Variants in CBFB observed in about 807,000 individuals in gnomAD.
CBFB encodes CBF-beta.
Under a neutral mutation model 30.4 loss-of-function variants are expected in CBFB, and 9 were observed. The ratio of observed to expected loss-of-function variants is 0.30; its 90% CI spans 0.18 to 0.52. CBFB has a LOEUF of 0.52. CBFB is among the 20% of genes least tolerant of loss of function. The pLI is 0.97. For missense variants in CBFB, 170 were observed against 244.0 expected (o/e 0.70, Z 2.02); for synonymous variants, 94 against 84.0 (o/e 1.12, Z -0.65).
intron 3 of CBFB, among the ~76,000 whole-genome samples, chr16:67,046,869 A>G (rs1597130246): frequency 6.6e-6 from 1 of 152,230 alleles, no homozygotes; most frequent in South Asian, 2.1e-4. Context: ...AAGCTAAAGT[A>G]TAATAGTGAT....
intron 4 of CBFB, among the ~76,000 whole-genome samples, chr16:67,075,247 C>G (rs1245603086): frequency 6.9e-6 from 1 of 145,428 alleles, no homozygotes; most frequent in African/African-American, 2.5e-5. Flanking sequence ...AGAACTCTTA[C>G]ATTTCAGTGA....
At chr16:67,036,393 G>C in intron 2 of CBFB, 1 of 407,912 alleles carries the variant, frequency 2.5e-6, no homozygotes, top group South Asian at 6.0e-5. Context: ...AAAATGACCT[G>C]AAAGAAAGTA....
intron 4 of CBFB, among the ~76,000 whole-genome samples, chr16:67,079,854 C>A (rs906362386): frequency 9.9e-5 from 15 of 152,238 alleles, no homozygotes; most frequent in African/African-American, 3.1e-4. Flanking sequence ...CATCAAAAAT[C>A]CTGGTATTCT....
chr16:67,088,047 G>T (rs1961777830), intron 5 of CBFB, among the ~76,000 whole-genome samples: 1 of 152,168 alleles, frequency 6.6e-6, no homozygotes, highest in Non-Finnish European at 1.5e-5. Flanking sequence ...AGAGAAAAGA[G>T]TTATATTTTC....
rs781375840 is a variant in CBFB, at chr16:67,053,810, C to T, written c.283-12872C>T. ...GAGTTAGCTGCTCTGGTATTTTCTGCTTCTAGGCTCACCATGACCTACCTT... is the reference window on the plus strand; with the variant it reads ...GAGTTAGCTGCTCTGGTATTTTCTGTTTCTAGGCTCACCATGACCTACCTT... On this transcript the variant is annotated intron_variant, in intron 3 of 5. Coordinates refer to ENST00000412916, the MANE Select transcript of CBFB (RefSeq NM_022845.3). 8.4e-4 allele frequency among the ~76,000 whole-genome samples: 127 copies of T among 150,964 alleles called. 3 individuals are homozygous for T. The highest frequency in any genetic ancestry group is 2.5e-4 in the Non-Finnish European group (17 of 67,862).
At chr16:67,088,035 A>T (rs1012955902) in intron 5 of CBFB, among the ~76,000 whole-genome samples, 9 of 152,198 alleles carry the variant, frequency 5.9e-5, no homozygotes, top group Non-Finnish European at 1.0e-4. Flanking sequence ...GACCTAGAGC[A>T]TAGAGAAAAG....
At chr16:67,064,392 A>G (rs1416322137) in intron 3 of CBFB, among the ~76,000 whole-genome samples, 1 of 152,108 alleles carries the variant, frequency 6.6e-6, no homozygotes, top group Non-Finnish European at 1.5e-5. Flanking sequence ...TTTTTAGTAG[A>G]GACGGGGTTT....
chr16:67,081,935 C>T (rs1256191756), intron 4 of CBFB: 3 of 172,568 alleles, frequency 1.7e-5, no homozygotes, highest in East Asian at 2.9e-4. Flanking sequence ...TATTCTGCCT[C>T]AGCCTCCCAA....
intron 5 of CBFB, among the ~76,000 whole-genome samples, chr16:67,096,810 TA>T: frequency 6.7e-6 from 1 of 148,940 alleles, no homozygotes; most frequent in Admixed American, 6.8e-5. Flanking sequence ...CCATCTCTAC[TA>T]AAAATACAAA....
At chr16:67,044,859 G>T (rs1966595284) in intron 3 of CBFB, among the ~76,000 whole-genome samples, 1 of 152,128 alleles carries the variant, frequency 6.6e-6, no homozygotes, top group Admixed American at 6.6e-5. Flanking sequence ...CCAAATAAAA[G>T]ATCTCTATGG....
In CBFB at chr16:67,066,644, A is replaced by G. The variant is rs746905390; in HGVS notation, c.283-38A>G. 2.8e-6 allele frequency: 3 copies of G among 1,090,502 alleles called. No individual in the cohort carries two copies. The South Asian group carries it at 3.8e-5, about 14-fold the overall frequency. The allele number at this position is 1,090,502 out of a possible 1,614,324, so 67.6% of individuals were successfully genotyped here. On this transcript the variant is annotated intron_variant, in intron 3 of 5. Transcript: ENST00000412916. ...TAATCTTTTTATTTTCATGTGTCTG[A>G]TGGTTTTCAATTATTTTCATCCTTT...
intron 5 of CBFB, among the ~76,000 whole-genome samples, chr16:67,096,919 C>G (rs1263932868): frequency 2.0e-5 from 3 of 147,214 alleles, no homozygotes; most frequent in African/African-American, 7.6e-5. Context: ...TCCAGCGACT[C>G]CGTCTCAAAA....
intron 4 of CBFB, among the ~76,000 whole-genome samples, chr16:67,069,921 T>G (rs561815668): frequency 1.3e-5 from 2 of 151,978 alleles, no homozygotes; most frequent in East Asian, 3.9e-4. Flanking sequence ...CCCAGGAGTT[T>G]GAGGCTGCAG....
At chr16:67,038,643 T>C (rs1028472775) in intron 3 of CBFB, among the ~76,000 whole-genome samples, 5 of 152,154 alleles carry the variant, frequency 3.3e-5, no homozygotes, top group African/African-American at 4.8e-5. Context: ...GAGAAGTCCT[T>C]GTACGATTAT....
chr16:67,032,750 A>T (rs912705459), intron 2 of CBFB, among the ~76,000 whole-genome samples: 2 of 152,222 alleles, frequency 1.3e-5, no homozygotes, highest in African/African-American at 4.8e-5. Context: ...TTGGCTGTGG[A>T]AAAAGGCATT....
Position 67,100,371 on chromosome 16 carries a change from G to C in CBFB, c.*1593G>C, listed in dbSNP as rs1197715982. 4.5e-6 allele frequency: 1 copy of C among 221,264 alleles called. No homozygotes were observed. Among genetic ancestry groups the C allele is most frequent in the Non-Finnish European group, 9.1e-6 (1 of 110,460 alleles). The allele number at this position is 221,264 out of a possible 1,614,324, so 13.7% of individuals were successfully genotyped here. A position where few individuals can be genotyped will look rare whatever the true frequency, so the allele number is the denominator to read the frequency against. ...AACAGATATCCTGTATCAAATAAAA[G>C]TATTTGTTATATATTTGAAGTTATG... On this transcript the variant is annotated 3_prime_UTR_variant, in exon 6 of 6. Transcript: ENST00000412916.
intron 4 of CBFB, among the ~76,000 whole-genome samples, chr16:67,075,081 T>G (rs1172732083): frequency 6.6e-6 from 1 of 151,958 alleles, no homozygotes; most frequent in East Asian, 1.9e-4. Flanking sequence ...TCCCAGCTAC[T>G]CAGGAGGCTG....
intron 4 of CBFB, among the ~76,000 whole-genome samples, chr16:67,070,757 G>A (rs750037710): frequency 1.1e-4 from 17 of 151,894 alleles, no homozygotes; most frequent in Non-Finnish European, 2.1e-4. Flanking sequence ...AAGCTGAGGT[G>A]GGATGATTGC....
At chr16:67,094,034 C>T (rs1298435385) in intron 5 of CBFB, among the ~76,000 whole-genome samples, 3 of 151,814 alleles carry the variant, frequency 2.0e-5, no homozygotes, top group African/African-American at 7.3e-5. Context: ...GTCAATACAT[C>T]TTCCCTTCTA....
Sources: gnomAD v4.1 joint callset for allele counts (sites outside exome capture counted in the v4.1 genomes callset) on GRCh38, gnomAD v4.1.1 for gene constraint, MANE v1.5 for transcripts, NCBI Gene and HGNC (gene_info 2026-07-23, HGNC 2026-07-21) for gene names.